GALNT13: variants seen among roughly 807,000 people sequenced by gnomAD.
GALNT13 encodes UDP-GalNAc:polypeptide N-acetylgalactosaminyltransferase 13.
GALNT13 carries 28 observed loss-of-function variants against 64.2 expected under a neutral mutation model. The observed-to-expected ratio is 0.44, with a 90% CI of 0.32 to 0.60. GALNT13 has a LOEUF of 0.60. GALNT13 is among the 20% of genes least tolerant of loss of function. The pLI, the probability that GALNT13 is intolerant of heterozygous loss-of-function variation, is 0.05. For missense variants in GALNT13, 577 were observed against 669.8 expected (o/e 0.86, Z 1.53); for synonymous variants, 214 against 224.6 (o/e 0.95, Z 0.42).
chr2:154,394,070 T>C (rs1698937362), intron 9 of GALNT13, among the ~76,000 whole-genome samples: 1 of 39,724 alleles, frequency 2.5e-5, no homozygotes, highest in African/African-American at 1.1e-4. Context: ...AGAGCGAGAC[T>C]CCGTCTCAAA....
intron 8 of GALNT13, among the ~76,000 whole-genome samples, chr2:154,295,108 C>A (rs1692839500): frequency 6.6e-6 from 1 of 152,146 alleles, no homozygotes; most frequent in South Asian, 2.1e-4. Context: ...ACTCACACAA[C>A]CATAGTGCTA....
At chr2:154,095,866 T>C (rs1220784022) in intron 3 of GALNT13, among the ~76,000 whole-genome samples, 2 of 151,958 alleles carry the variant, frequency 1.3e-5, no homozygotes, top group African/African-American at 2.4e-5. Context: ...AAGTTCAATA[T>C]TGTGATTTTC....
chr2:154,130,423 C>A (rs538356509), intron 3 of GALNT13, among the ~76,000 whole-genome samples: 3 of 152,178 alleles, frequency 2.0e-5, no homozygotes, highest in Non-Finnish European at 4.4e-5. Context: ...GTTTCACAGT[C>A]CAGCATTAGA....
At chr2:153,608,461 G>A in the GALNT13 span, among the ~76,000 whole-genome samples, 8 of 151,850 alleles carry the variant, frequency 5.3e-5, no homozygotes, top group Admixed American at 2.0e-4. Context: ...AAGTATACTC[G>A]CCACCGTGTA....
intron 9 of GALNT13, among the ~76,000 whole-genome samples, chr2:154,393,728 A>G (rs1000197066): frequency 4.6e-5 from 7 of 152,206 alleles, no homozygotes; most frequent in African/African-American, 1.7e-4. Flanking sequence ...ATTCCCCATT[A>G]GCCACTTTTT....
chr2:153,160,803 ACT>A, the GALNT13 span, among the ~76,000 whole-genome samples: 1 of 152,050 alleles, frequency 6.6e-6, no homozygotes, highest in African/African-American at 2.4e-5. Context: ...ATCCTTGGAA[ACT>A]CATAGTTCTG....
chr2:154,366,415 C>T (rs1697365943), intron 9 of GALNT13, among the ~76,000 whole-genome samples: 1 of 152,112 alleles, frequency 6.6e-6, no homozygotes, highest in African/African-American at 2.4e-5. Flanking sequence ...GAGCACTATG[C>T]CTTGCATATG....
At chr2:153,613,698 C>T in the GALNT13 span, among the ~76,000 whole-genome samples, 2 of 152,012 alleles carry the variant, frequency 1.3e-5, no homozygotes, top group African/African-American at 2.4e-5. Flanking sequence ...TTGTTTAATT[C>T]CCACCTATGA....
chr2:153,380,601 G>C, the GALNT13 span, among the ~76,000 whole-genome samples: 1 of 151,990 alleles, frequency 6.6e-6, no homozygotes. Context: ...GGAAACAATA[G>C]CCTAGGGATA....
At chr2:153,574,435 A>G in the GALNT13 span, among the ~76,000 whole-genome samples, 1 of 151,982 alleles carries the variant, frequency 6.6e-6, no homozygotes. Context: ...TAAACTTTCT[A>G]CCTTCATCTC....
At chr2:153,718,636 G>A in the GALNT13 span, among the ~76,000 whole-genome samples, 1 of 152,122 alleles carries the variant, frequency 6.6e-6, no homozygotes, top group African/African-American at 2.4e-5. Context: ...GCAGTGACAT[G>A]AGGAGGCAGC....
the GALNT13 span, among the ~76,000 whole-genome samples, chr2:153,605,816 A>C: frequency 6.6e-6 from 1 of 152,102 alleles, no homozygotes; most frequent in Non-Finnish European, 1.5e-5. Context: ...GAATTTGTGA[A>C]ATGTTCTGAG....
At chr2:153,242,675 C>T in the GALNT13 span, among the ~76,000 whole-genome samples, 1 of 152,084 alleles carries the variant, frequency 6.6e-6, no homozygotes, top group Non-Finnish European at 1.5e-5. Flanking sequence ...TTTTTTTCCT[C>T]CTGTTGAATC....
the GALNT13 span, among the ~76,000 whole-genome samples, chr2:153,637,134 A>C: frequency 5.3e-5 from 8 of 152,276 alleles, no homozygotes; most frequent in Non-Finnish European, 1.2e-4. Context: ...AACATCATTT[A>C]TGGTTATTCA....
the GALNT13 span, among the ~76,000 whole-genome samples, chr2:153,560,836 G>C: frequency 6.6e-6 from 1 of 151,824 alleles, no homozygotes; most frequent in Non-Finnish European, 1.5e-5. Flanking sequence ...TCACCAACTT[G>C]TCTTGTTCCA....
At chr2:153,884,785 ATG>A (rs1179176058) in intron 1 of GALNT13, among the ~76,000 whole-genome samples, 2 of 122,484 alleles carry the variant, frequency 1.6e-5, no homozygotes, top group Non-Finnish European at 3.3e-5. Context: ...ATATATATAT[ATG>A]TGTGTGTATA....
chr2:154,036,062 T>C (rs1382436887), intron 3 of GALNT13, among the ~76,000 whole-genome samples: 1 of 152,072 alleles, frequency 6.6e-6, no homozygotes, highest in Non-Finnish European at 1.5e-5. Flanking sequence ...ATTTCTCCCC[T>C]TAGTATATAT....
Position 153,901,206 on chromosome 2 carries a change from G to A in GALNT13, c.-105+199G>A, listed in dbSNP as rs139981848. 2.4e-3 allele frequency among the ~76,000 whole-genome samples: 369 copies of A among 152,154 alleles called. 9 individuals carry two copies. In the East Asian group the frequency reaches 0.055, roughly 23 times the overall value. On this transcript the variant is annotated intron_variant, in intron 2 of 12. Transcript: ENST00000392825. Reference sequence around the variant, plus strand: ...TCTGTGTGTCTCTTTTTGTATCAGTGCCTTGCAGTTTTGGTTACTACAGCC... The same window carrying A: ...TCTGTGTGTCTCTTTTTGTATCAGTACCTTGCAGTTTTGGTTACTACAGCC...
At chr2:153,961,989 C>A (rs1018727095) in intron 3 of GALNT13, among the ~76,000 whole-genome samples, 34 of 152,102 alleles carry the variant, frequency 2.2e-4, no homozygotes, top group African/African-American at 8.0e-4. Context: ...AAGTTTGGTA[C>A]CGTTTTCATG....
Sources: allele counts gnomAD v4.1 joint callset (sites outside exome capture counted in the v4.1 genomes callset), GRCh38; gene constraint gnomAD v4.1.1; transcripts MANE v1.5; gene names NCBI Gene and HGNC (gene_info 2026-07-23, HGNC 2026-07-21).